Variants in NYAP2 observed in about 807,000 individuals in gnomAD.
The protein encoded by NYAP2 is neuronal tyrosine-phosphorylated phosphoinositide-3-kinase adaptor 2.
A neutral mutation model predicts 50.4 loss-of-function variants in NYAP2; 23 were observed. That is an observed-to-expected ratio of 0.46 (90% CI 0.33 to 0.65). The LOEUF is 0.65. Among genes scored for constraint, NYAP2 ranks in the 30% least tolerant of loss-of-function variants. NYAP2 has a pLI of 0.02. For synonymous variants in NYAP2, 394 were observed against 365.2 expected (o/e 1.08, Z -0.90); for missense variants, 885 against 861.0 (o/e 1.03, Z -0.35).
At chr2:225,463,292 T>C (rs928709588) in intron 3 of NYAP2, among the ~76,000 whole-genome samples, 1 of 152,232 alleles carries the variant, frequency 6.6e-6, no homozygotes, top group Admixed American at 6.5e-5. Context: ...CTGTGGCATT[T>C]GGAATGATTC....
intron 4 of NYAP2, among the ~76,000 whole-genome samples, chr2:225,568,468 A>G (rs1007111451): frequency 6.6e-6 from 1 of 152,124 alleles, no homozygotes; most frequent in African/African-American, 2.4e-5. Context: ...GGAAATGACA[A>G]ATTATAGGGG....
At chr2:225,552,023 G>A (rs913377887) in intron 4 of NYAP2, among the ~76,000 whole-genome samples, 1 of 152,118 alleles carries the variant, frequency 6.6e-6, no homozygotes, top group African/African-American at 2.4e-5. Flanking sequence ...ATGTTGGCCA[G>A]GTTGGTCTCG....
At chr2:225,609,088 C>G (rs1692837313) in intron 5 of NYAP2, among the ~76,000 whole-genome samples, 1 of 152,138 alleles carries the variant, frequency 6.6e-6, no homozygotes, top group Non-Finnish European at 1.5e-5. Flanking sequence ...CTTTAATTGA[C>G]TCCCAGTCCC....
chr2:225,611,631 T>C (rs1203829481), intron 5 of NYAP2, among the ~76,000 whole-genome samples: 10 of 152,064 alleles, frequency 6.6e-5, no homozygotes, highest in Admixed American at 6.6e-4. Context: ...CTTTTCATTA[T>C]ATCTATCATC....
At chr2:225,502,542 C>T (rs780304448) in intron 3 of NYAP2, among the ~76,000 whole-genome samples, 2 of 152,172 alleles carry the variant, frequency 1.3e-5, no homozygotes, top group African/African-American at 2.4e-5. Context: ...AAACACTGTT[C>T]CAGCCATTGG....
intron 5 of NYAP2, among the ~76,000 whole-genome samples, chr2:225,584,801 C>A (rs973381989): frequency 1.5e-4 from 23 of 152,176 alleles, no homozygotes; most frequent in African/African-American, 5.3e-4. Flanking sequence ...ATATATTAGG[C>A]ATGTCTGGAG....
chr2:225,460,161 A>G (rs1273018478), intron 3 of NYAP2, among the ~76,000 whole-genome samples: 1 of 152,172 alleles, frequency 6.6e-6, no homozygotes, highest in African/African-American at 2.4e-5. Flanking sequence ...TTGTATATAC[A>G]TTATCTATCA....
intron 3 of NYAP2, among the ~76,000 whole-genome samples, chr2:225,488,924 C>A (rs1253501100): frequency 2.0e-5 from 3 of 152,062 alleles, no homozygotes; most frequent in Non-Finnish European, 4.4e-5. Context: ...TGCTCAAAAC[C>A]ACATAGTAAA....
intron 4 of NYAP2, among the ~76,000 whole-genome samples, chr2:225,516,570 A>G (rs1029226998): frequency 6.6e-6 from 1 of 152,106 alleles, no homozygotes; most frequent in Non-Finnish European, 1.5e-5. Flanking sequence ...ACTTAATAAA[A>G]CAGCAATTGC....
chr2:225,583,118 C>A, intron 5 of NYAP2, 83 bp downstream of exon 5: 1 of 1,478,046 alleles, frequency 6.8e-7, no homozygotes, highest in Non-Finnish European at 9.1e-7. Context: ...GCAGATAACG[C>A]ACAGAGTACG....
At chr2:225,528,564 GGA>G (rs1368729483) in intron 4 of NYAP2, among the ~76,000 whole-genome samples, 1 of 152,166 alleles carries the variant, frequency 6.6e-6, no homozygotes, top group East Asian at 1.9e-4. Context: ...AATGATATTA[GGA>G]TTAAAATTAG....
At chr2:225,476,403 A>G (rs1690108302) in intron 3 of NYAP2, among the ~76,000 whole-genome samples, 1 of 145,252 alleles carries the variant, frequency 6.9e-6, no homozygotes, top group Non-Finnish European at 1.5e-5. Flanking sequence ...ACAGAGCGGG[A>G]CTCTGTCTCA....
At chr2:225,556,926 A>G (rs1691786962) in intron 4 of NYAP2, among the ~76,000 whole-genome samples, 1 of 152,154 alleles carries the variant, frequency 6.6e-6, no homozygotes, top group South Asian at 2.1e-4. Context: ...GGCTGTGCTC[A>G]ACCTCGGACC....
chr2:225,460,704 T>C (rs1689814517), intron 3 of NYAP2, among the ~76,000 whole-genome samples: 2 of 152,190 alleles, frequency 1.3e-5, no homozygotes. Context: ...GAATTTAAAA[T>C]TGGCATTTAG....
intron 4 of NYAP2, among the ~76,000 whole-genome samples, chr2:225,545,423 G>C (rs1423486844): frequency 6.6e-6 from 1 of 151,836 alleles, no homozygotes; most frequent in Admixed American, 6.6e-5. Context: ...CAAATAGCCT[G>C]TATTTGAGCT....
At chr2:225,558,274 G>A (rs570777622) in intron 4 of NYAP2, among the ~76,000 whole-genome samples, 1 of 152,144 alleles carries the variant, frequency 6.6e-6, no homozygotes. Context: ...AACAATACTT[G>A]TATTATCTAA....
At chr2:225,624,810 G>C (rs1040667238) in intron 5 of NYAP2, among the ~76,000 whole-genome samples, 2 of 151,948 alleles carry the variant, frequency 1.3e-5, no homozygotes, top group Non-Finnish European at 2.9e-5. Context: ...AAGGAAGTTA[G>C]GTAGGGCTGG....
downstream of NYAP2, among the ~76,000 whole-genome samples, chr2:225,656,625 A>G (rs1312231312): frequency 6.6e-6 from 1 of 152,132 alleles, no homozygotes. Flanking sequence ...CTTGATGCAT[A>G]TCTAGAGTGT....
intron 3 of NYAP2, among the ~76,000 whole-genome samples, chr2:225,449,481 T>C (rs890104690): frequency 1.3e-5 from 2 of 152,222 alleles, no homozygotes; most frequent in Admixed American, 6.5e-5. Context: ...TATGAGATCA[T>C]TAAATGTGTG....
Sources: gnomAD v4.1 joint callset for allele counts (sites outside exome capture counted in the v4.1 genomes callset) on GRCh38, gnomAD v4.1.1 for gene constraint, MANE v1.5 for transcripts, NCBI Gene and HGNC (gene_info 2026-07-23, HGNC 2026-07-21) for gene names.